The following HSDL2 variants were observed in gnomAD, a reference collection of about 807,000 sequenced individuals.
HSDL2 encodes hydroxysteroid dehydrogenase like 2.
A neutral mutation model predicts 46.3 loss-of-function variants in HSDL2; 27 were observed. The observed-to-expected ratio is 0.58, with a 90% confidence interval of 0.43 to 0.80. The LOEUF (loss-of-function observed/expected upper bound fraction) is 0.80, where lower values mean the gene tolerates loss of function less well. Among genes scored for constraint, HSDL2 ranks in the 30% least tolerant of loss-of-function variants. The pLI is 0.00. For missense variants in HSDL2, 451 were observed against 502.7 expected, an observed-to-expected ratio of 0.90 and a Z score of 0.98; for synonymous variants, 153 against 163.6, an observed-to-expected ratio of 0.94 and a Z score of 0.50.
At chr9:112,406,217 G>A (rs1387721697) in intron 3 of HSDL2, among the ~76,000 whole-genome samples, 1 of 151,828 alleles carries the variant, frequency 6.6e-6, no homozygotes, top group Admixed American at 6.6e-5. Context: ...TGGAGACTGG[G>A]AAGAAAGAAG....
intron 2 of HSDL2, among the ~76,000 whole-genome samples, chr9:112,405,269 T>C (rs1831699842): frequency 6.6e-6 from 1 of 152,146 alleles, no homozygotes; most frequent in African/African-American, 2.4e-5. Flanking sequence ...GGAGGATCCT[T>C]TGAGCCTGGG....
At chr9:112,465,259 G>A (rs1455639967) in intron 10 of HSDL2, among the ~76,000 whole-genome samples, 1 of 152,124 alleles carries the variant, frequency 6.6e-6, no homozygotes, top group Admixed American at 6.5e-5. Flanking sequence ...CTCCTGGGTA[G>A]CTGGGATTAC....
At chr9:112,453,732 A>G (rs914585005) in intron 8 of HSDL2, among the ~76,000 whole-genome samples, 1 of 152,162 alleles carries the variant, frequency 6.6e-6, no homozygotes, top group African/African-American at 2.4e-5. Flanking sequence ...AGGTTTGTTT[A>G]TGATAAATAT....
chr9:112,434,200 T>C (rs1832466518), intron 6 of HSDL2: 1 of 152,216 alleles, frequency 6.6e-6, no homozygotes, highest in Non-Finnish European at 1.5e-5. Context: ...TGGGCAAGTA[T>C]GGTAGAAGCA....
intron 4 of HSDL2, 38 bp downstream of exon 4, chr9:112,409,059 G>A (rs758715670): frequency 2.3e-5 from 27 of 1,191,148 alleles, no homozygotes; most frequent in East Asian, 4.7e-5. Flanking sequence ...AGGAAGTTGC[G>A]GTGTTTCTCA....
chr9:112,395,709 G>A (rs113571522), intron 1 of HSDL2, among the ~76,000 whole-genome samples: 145 of 152,314 alleles, frequency 9.5e-4, no homozygotes, highest in Non-Finnish European at 1.7e-3. Context: ...CAGGTTGGAC[G>A]GCTCCCATAG....
At chr9:112,456,374 CTG>C (rs1398568142) in intron 9 of HSDL2, among the ~76,000 whole-genome samples, 1 of 152,186 alleles carries the variant, frequency 6.6e-6, no homozygotes, top group African/African-American at 2.4e-5. Flanking sequence ...ACCAGTGGGC[CTG>C]TGTCATTCCT....
rs534716519 is a variant in HSDL2 at position 112,464,663 on chromosome 9, G to A, written c.1144+5086G>A. On this transcript the variant is annotated intron_variant, in intron 10 of 10. Transcript: ENST00000398805. ...TTTTAAATTAGTAATTCAATTTCTA[G>A]TTGTATGTCAATAGCTTTTTAAAAA... Among the ~76,000 whole-genome samples the A allele has an allele frequency of 9.2e-5, 14 of 152,252 alleles. No homozygotes were observed. In the East Asian group the frequency reaches 2.1e-3, roughly 23 times the overall value.
At chr9:112,468,924 A>T (rs1197068589) in intron 10 of HSDL2, among the ~76,000 whole-genome samples, 2 of 152,168 alleles carry the variant, frequency 1.3e-5, no homozygotes, top group African/African-American at 4.8e-5. Context: ...TTCACTGTAG[A>T]ATAACAGAGC....
chr9:112,447,241 C>T (rs942742834), intron 8 of HSDL2, among the ~76,000 whole-genome samples: 1 of 152,152 alleles, frequency 6.6e-6, no homozygotes, highest in African/African-American at 2.4e-5. Context: ...TTCTGGCTTA[C>T]ATATTTGTAG....
intron 1 of HSDL2, among the ~76,000 whole-genome samples, chr9:112,395,272 A>T (rs994516408): frequency 2.0e-5 from 3 of 152,322 alleles, no homozygotes; most frequent in Admixed American, 1.3e-4. Context: ...CTCACCAGGT[A>T]TGAGGGCAGT....
At chr9:112,420,631 G>A (rs1314868132) in intron 6 of HSDL2, among the ~76,000 whole-genome samples, 1 of 152,072 alleles carries the variant, frequency 6.6e-6, no homozygotes, top group East Asian at 1.9e-4. Flanking sequence ...TGGTCATGCT[G>A]TTGCACTTCA....
chr9:112,423,454 C>T (rs1056527931), intron 6 of HSDL2, among the ~76,000 whole-genome samples: 2 of 151,342 alleles, frequency 1.3e-5, no homozygotes, highest in Admixed American at 6.6e-5. Flanking sequence ...GGTTTACAGG[C>T]GTTTGCCACC....
rs1428688543 is a variant in HSDL2 at position 112,443,515 on chromosome 9, A to C, written c.865+1745A>C. Among the ~76,000 whole-genome samples the C allele has an allele frequency of 3.3e-5, 5 of 152,152 alleles. No homozygotes were observed. The East Asian group carries it at 9.6e-4, about 29-fold the overall frequency. On this transcript the variant is annotated intron_variant, in intron 8 of 10. Coordinates refer to ENST00000398805, the MANE Select transcript of HSDL2 (RefSeq NM_032303.5). Reference sequence around the variant, plus strand: ...TAACACTTGAATACTTAGTCTTTTAAATTTTAGCATATTCTTAGTCTGGGC... The same window carrying C: ...TAACACTTGAATACTTAGTCTTTTACATTTTAGCATATTCTTAGTCTGGGC...
chr9:112,465,988 T>C (rs1293017789), intron 10 of HSDL2, among the ~76,000 whole-genome samples: 1 of 152,236 alleles, frequency 6.6e-6, no homozygotes, highest in Admixed American at 6.5e-5. Context: ...GGCTGCATCA[T>C]TTACATTCCC....
At chr9:112,444,834 G>GTTTTTTTTTTTTTTTTTT in intron 8 of HSDL2, among the ~76,000 whole-genome samples, 1 of 79,658 alleles carries the variant, frequency 1.3e-5, no homozygotes, top group Non-Finnish European at 2.3e-5. Flanking sequence ...ACTCAGTCTT[G>GTTTTTTTTTTTTTTTTTT]TTTTTTTTTT....
intron 6 of HSDL2, among the ~76,000 whole-genome samples, chr9:112,437,348 G>A (rs950270306): frequency 6.6e-6 from 1 of 152,066 alleles, no homozygotes; most frequent in Non-Finnish European, 1.5e-5. Flanking sequence ...TGTTTTTCAA[G>A]GAACCTATTC....
intron 1 of HSDL2, among the ~76,000 whole-genome samples, chr9:112,396,402 A>G (rs1352160960): frequency 6.6e-6 from 1 of 152,176 alleles, no homozygotes; most frequent in Non-Finnish European, 1.5e-5. Flanking sequence ...TTGAATGTGT[A>G]TGGTGCAGGT....
At chr9:112,447,310 T>A (rs1174808280) in intron 8 of HSDL2, among the ~76,000 whole-genome samples, 1 of 152,208 alleles carries the variant, frequency 6.6e-6, no homozygotes, top group Non-Finnish European at 1.5e-5. Flanking sequence ...GAAGTTTTTT[T>A]TTCTCTTGTG....
Sources: gnomAD v4.1 joint callset for allele counts (sites outside exome capture counted in the v4.1 genomes callset) on GRCh38, gnomAD v4.1.1 for gene constraint, MANE v1.5 for transcripts, NCBI Gene and HGNC (gene_info 2026-07-23, HGNC 2026-07-21) for gene names.